Variants in RUFY2 observed in about 807,000 individuals in gnomAD.
The protein encoded by RUFY2 is RUN and FYVE domain-containing protein 2.
In RUFY2, 49 loss-of-function variants were observed where a neutral mutation model predicts 94.4. The observed-to-expected ratio is 0.52, with a 90% CI of 0.41 to 0.66. The LOEUF is 0.66. Ranked by LOEUF, RUFY2 falls within the 30% of genes least tolerant of loss-of-function variation. The pLI is 0.00. For synonymous variants in RUFY2, 255 were observed against 235.7 expected (o/e 1.08, Z -0.75); for missense variants, 541 against 692.8 (o/e 0.78, Z 2.46).
At chr10:68,349,991 CTTTAT>C (rs992758895) in intron 16 of RUFY2, among the ~76,000 whole-genome samples, 23 of 151,724 alleles carry the variant, frequency 1.5e-4, no homozygotes, top group African/African-American at 3.6e-4. Context: ...CTAACCAAGG[CTTTAT>C]TTTATTTTAT....
At chr10:68,383,446 C>T (rs747406075) in intron 10 of RUFY2, among the ~76,000 whole-genome samples, 1 of 152,096 alleles carries the variant, frequency 6.6e-6, no homozygotes, top group Non-Finnish European at 1.5e-5. Flanking sequence ...TGGTGAAACC[C>T]CATCTCTACA....
intron 10 of RUFY2, 77 bp from the exon 11 acceptor site, chr10:68,381,476 C>T (rs907715479): frequency 7.3e-7 from 1 of 1,364,638 alleles, no homozygotes; most frequent in African/African-American, 1.4e-5. Context: ...AAAGATTTTC[C>T]ATTCAATATG....
At chr10:68,394,543 T>A in intron 4 of RUFY2, 92 bp from the exon 5 acceptor site, 1 of 887,182 alleles carries the variant, frequency 1.1e-6, no homozygotes, top group Non-Finnish European at 1.7e-6. Flanking sequence ...ATCTTCTACC[T>A]TACAGAAATG....
intron 6 of RUFY2, 61 bp downstream of exon 6, chr10:68,394,014 A>G: frequency 6.8e-7 from 1 of 1,465,154 alleles, no homozygotes; most frequent in African/African-American, 1.4e-5. Flanking sequence ...TGGATCTTAT[A>G]ATGATTTGTA....
chr10:68,388,135 A>T (rs2049661994), intron 7 of RUFY2, among the ~76,000 whole-genome samples: 1 of 152,074 alleles, frequency 6.6e-6, no homozygotes, highest in Non-Finnish European at 1.5e-5. Flanking sequence ...AGCACTTTGA[A>T]AACAAACCCT....
intron 13 of RUFY2, among the ~76,000 whole-genome samples, chr10:68,376,489 T>TTC (rs374478625): frequency 0.026 from 1,325 of 51,786 alleles, 221 homozygotes; most frequent in Non-Finnish European, 0.033. Context: ...TATATATATA[T>TTC]ATTCTCAGAA....
chr10:68,365,909 G>A (rs929208443), intron 13 of RUFY2, among the ~76,000 whole-genome samples: 1 of 152,024 alleles, frequency 6.6e-6, no homozygotes, highest in Non-Finnish European at 1.5e-5. Context: ...CCTGTTGAAT[G>A]GCCTCATCAT....
chr10:68,376,042 G>C (rs544436478), intron 13 of RUFY2, among the ~76,000 whole-genome samples: 2 of 151,668 alleles, frequency 1.3e-5, no homozygotes, highest in African/African-American at 2.4e-5. Context: ...AGAGGTTGCA[G>C]TGAGCCACCA....
At chr10:68,394,035 T>G in intron 6 of RUFY2, 40 bp downstream of exon 6, 1 of 1,484,966 alleles carries the variant, frequency 6.7e-7, no homozygotes, top group Non-Finnish European at 9.0e-7. Context: ...AAGAGCTATA[T>G]AAAAAACCCA....
At chr10:68,387,827 A>AC (rs1433935135) in intron 7 of RUFY2, among the ~76,000 whole-genome samples, 2 of 151,902 alleles carry the variant, frequency 1.3e-5, no homozygotes, top group Admixed American at 1.3e-4. Context: ...ACATGGTGAA[A>AC]CCCCGTCTCT....
intron 10 of RUFY2, 34 bp from the exon 11 acceptor site, chr10:68,381,433 A>G (rs916653912): frequency 1.3e-6 from 2 of 1,576,836 alleles, no homozygotes. Context: ...TTCACATGCC[A>G]CTTCAGGATG....
downstream of RUFY2, chr10:68,342,621 G>T (rs956813004): frequency 5.2e-5 from 8 of 152,550 alleles, no homozygotes; most frequent in Admixed American, 3.9e-4. Flanking sequence ...TGATCTAAGA[G>T]GTATTGATTT....
chr10:68,384,241 A>C, intron 8 of RUFY2, 89 bp from the exon 9 acceptor site: 1 of 1,416,996 alleles, frequency 7.1e-7, no homozygotes, highest in Non-Finnish European at 9.2e-7. Flanking sequence ...AACATCAGAA[A>C]ATAAAATCTC....
downstream of RUFY2, chr10:68,341,819 G>T (rs2045972694): frequency 1.2e-6 from 2 of 1,610,836 alleles, no homozygotes; most frequent in Non-Finnish European, 1.7e-6. Flanking sequence ...TACAGTGGAG[G>T]ATATGGTACT....
Position 68,381,330 on chromosome 10 carries a change from C to G in RUFY2, c.1009G>C (p.Glu337Gln), listed in dbSNP as rs1160608106. ...TCTTGTTTCTCATGGATATCTTTCTCCAGCAACTTCATGGCAAGTTCAATC... is the reference window on the plus strand; with the variant it reads ...TCTTGTTTCTCATGGATATCTTTCTGCAGCAACTTCATGGCAAGTTCAATC... ...HEIELAMKLL[E>Q]KDIHEKQDTL... Residue 337 changes from glutamate (E) to glutamine (Q), a missense_variant, in exon 11 of 18, where the codon GAG becomes CAG. Physicochemically the swap from Glu to Gln is conservative, Grantham distance 29. Transcript: ENST00000602465. 3 of 1,613,898 alleles carry G rather than the reference C, an allele frequency of 1.9e-6. No homozygotes were observed. The highest frequency in any genetic ancestry group is 2.5e-6 in the Non-Finnish European group (3 of 1,179,970).
chr10:68,362,168 T>TA (rs754588453), intron 15 of RUFY2, among the ~76,000 whole-genome samples: 13 of 150,390 alleles, frequency 8.6e-5, no homozygotes, highest in African/African-American at 2.4e-4. Flanking sequence ...CCACAAAAAA[T>TA]AAAAAAAAAT....
At chr10:68,391,818 T>C (rs2133034701) in intron 7 of RUFY2, among the ~76,000 whole-genome samples, 1 of 151,282 alleles carries the variant, frequency 6.6e-6, no homozygotes, top group African/African-American at 2.4e-5. Context: ...AAAAATTAAC[T>C]GTGCGTGGTG....
chr10:68,407,207 G>A lies in RUFY2; in HGVS notation c.-18C>T, dbSNP rs1215757304. ...TTACCCATGGCGGCGGCGGCTGCGC[G>A]GTCTCGGGCGGAGGCTCCCTCGGCC... On this transcript the variant is annotated 5_prime_UTR_variant, in exon 1 of 18. Transcript: ENST00000602465. The A allele has an allele frequency of 4.3e-6, 6 of 1,406,266 alleles. No homozygotes were observed. The Admixed American group carries it at 2.1e-4, about 49-fold the overall frequency. 87.1% of individuals were successfully genotyped at this position (1,406,266 alleles called of 1,614,324 possible). A position where few individuals can be genotyped will look rare whatever the true frequency, so the allele number is the denominator to read the frequency against.
Position 68,352,688 on chromosome 10 carries a change from T to C in RUFY2, c.1599+2665A>G, listed in dbSNP as rs1332778664. Among the ~76,000 whole-genome samples the C allele has an allele frequency of 2.0e-5, 3 of 152,254 alleles. No individual in the cohort carries two copies. In the East Asian group the frequency reaches 5.8e-4, roughly 29 times the overall value. On this transcript the variant is annotated intron_variant, in intron 16 of 17. Transcript: ENST00000602465. Reference sequence around the variant, plus strand: ...GCTCACACCTGTAATCCCAGCACTTTGGGAGGCCAAGGTGGGCAGATCACA... The same window carrying C: ...GCTCACACCTGTAATCCCAGCACTTCGGGAGGCCAAGGTGGGCAGATCACA...
Sources: gnomAD v4.1 joint callset for allele counts (sites outside exome capture counted in the v4.1 genomes callset) on GRCh38, gnomAD v4.1.1 for gene constraint, MANE v1.5 for transcripts, NCBI Gene and HGNC (gene_info 2026-07-23, HGNC 2026-07-21) for gene names.